The following GAREM2 variants were observed in gnomAD, a reference collection of about 807,000 sequenced individuals.
The protein encoded by GAREM2 is GRB2 associated regulator of MAPK1 subtype 2, also known as GRB2-associated and regulator of MAPK protein 2.
Under a neutral mutation model 55.6 loss-of-function variants are expected in GAREM2, and 30 were observed. The ratio of observed to expected loss-of-function variants is 0.54; its 90% confidence interval spans 0.40 to 0.73. The LOEUF (loss-of-function observed/expected upper bound fraction) is 0.73. Among genes scored for constraint, GAREM2 ranks in the 30% least tolerant of loss-of-function variants. The probability of loss-of-function intolerance (pLI) is 0.00; values close to 1 mark genes in which losing one functional copy is unlikely to be tolerated. For synonymous variants in GAREM2, 550 were observed against 569.1 expected, an observed-to-expected ratio of 0.97 and a Z score of 0.48; for missense variants, 1,075 against 1,257.7, an observed-to-expected ratio of 0.85 and a Z score of 2.20.
At chr2:26,193,793 G>T (rs760394458), downstream of GAREM2, 8 of 1,601,982 alleles carry the variant, frequency 5.0e-6, no homozygotes, top group Non-Finnish European at 8.6e-7. Context: ...AGCGATGCAG[G>T]GACCTCAGGG....
chr2:26,197,453 T>G, the GAREM2 span, among the ~76,000 whole-genome samples: 1 of 152,218 alleles, frequency 6.6e-6, no homozygotes, highest in African/African-American at 2.4e-5. Flanking sequence ...GGGCTTTATA[T>G]CCTGAACCTG....
the GAREM2 span, among the ~76,000 whole-genome samples, chr2:26,201,714 A>G: frequency 6.6e-6 from 1 of 152,104 alleles, no homozygotes; most frequent in African/African-American, 2.4e-5. Flanking sequence ...AAGCAGCCAA[A>G]GTGTGTCTGA....
the GAREM2 span, among the ~76,000 whole-genome samples, chr2:26,202,612 A>G: frequency 2.6e-5 from 4 of 152,200 alleles, no homozygotes; most frequent in Non-Finnish European, 4.4e-5. Flanking sequence ...ATGGTGGCGC[A>G]TGCCTGTAGT....
chr2:26,191,696 C>T (rs1352126261), downstream of GAREM2: 14 of 1,536,272 alleles, frequency 9.1e-6, no homozygotes, highest in African/African-American at 1.4e-5. Context: ...GCCGCAGATG[C>T]AGAATGGAAG....
rs1393859745 is a variant in GAREM2 at position 26,179,682 on chromosome 2, G to A, written c.253+3198G>A. Reference sequence around the variant, plus strand: ...GAGGAAGCCGCCCCTGGGCTGGCGGGGAGGAAAAGGCTTCCAGGGTCCAGA... The same window carrying A: ...GAGGAAGCCGCCCCTGGGCTGGCGGAGAGGAAAAGGCTTCCAGGGTCCAGA... On this transcript the variant is annotated intron_variant, in intron 2 of 5. Transcript: ENST00000401533. This position sits in a 1 kb window ranked among gnomAD's most constrained non-coding sequence, Gnocchi z 4.7. Among the ~76,000 whole-genome samples the A allele has an allele frequency of 6.6e-6, 1 of 152,154 alleles. No homozygotes were observed. Among genetic ancestry groups the A allele is most frequent in the Non-Finnish European group, 1.5e-5 (1 of 68,026 alleles).
At chr2:26,198,368 T>TG in the GAREM2 span, among the ~76,000 whole-genome samples, 2 of 52,734 alleles carry the variant, frequency 3.8e-5, no homozygotes, top group East Asian at 6.8e-4. Flanking sequence ...AACTTATTCA[T>TG]GTTTTTTTTT....
intron 5 of GAREM2, among the ~76,000 whole-genome samples, chr2:26,187,022 G>A (rs1158184057): frequency 6.6e-6 from 1 of 152,192 alleles, no homozygotes; most frequent in Non-Finnish European, 1.5e-5. Flanking sequence ...TTTCAGTTTC[G>A]TTTCATTTTT....
At chr2:26,192,559 G>A, downstream of GAREM2, 3 of 701,886 alleles carry the variant, frequency 4.3e-6, no homozygotes, top group Non-Finnish European at 7.8e-6. Flanking sequence ...GGCCGAGGCG[G>A]AGGATCATTT....
At chr2:26,193,621 C>G, downstream of GAREM2, 9 of 1,614,052 alleles carry the variant, frequency 5.6e-6, no homozygotes, top group Non-Finnish European at 7.6e-6. Context: ...TTCTGGGTTT[C>G]CACCTCCAAA....
At chr2:26,174,414 C>A (rs971474377) in intron 1 of GAREM2, among the ~76,000 whole-genome samples, 3 of 152,244 alleles carry the variant, frequency 2.0e-5, no homozygotes, top group African/African-American at 7.2e-5. Flanking sequence ...TCCCACACAT[C>A]CTTTTTGGCA....
chr2:26,184,287 G>A lies in GAREM2; in HGVS notation c.439G>A (p.Ala147Thr). 6.4e-7 allele frequency: 1 copy of A among 1,551,134 alleles called. No homozygotes were observed. Among genetic ancestry groups the A allele is most frequent in the Non-Finnish European group, 8.7e-7 (1 of 1,146,856 alleles). The change falls in exon 4 of 6, where the codon GCG becomes ACG. Residue 147 changes from alanine (A) to threonine (T), a missense_variant. Around this residue, in one of 6 missense-constraint regions of GAREM2, gnomAD observed 230 missense variants for 310.6 expected, o/e 0.74. Coordinates refer to ENST00000401533, the MANE Select transcript of GAREM2 (RefSeq NM_001168241.2). ...CGAGGTGTACAACTTCACGCTGCATGCGGGCGACGAGCTCACTCTTATGGG... is the reference window on the plus strand; with the variant it reads ...CGAGGTGTACAACTTCACGCTGCATACGGGCGACGAGCTCACTCTTATGGG... ...DSEVYNFTLHAGDELTLMGQA... is the reference protein window; with the variant it reads ...DSEVYNFTLHTGDELTLMGQA...
chr2:26,191,890 G>C (rs1435437232), downstream of GAREM2, among the ~76,000 whole-genome samples: 2 of 152,216 alleles, frequency 1.3e-5, no homozygotes, highest in Admixed American at 6.5e-5. Flanking sequence ...TTTGACATCA[G>C]CAACAGTCAG....
rs771439596 is a variant in GAREM2, at chr2:26,184,731, A to T, written c.883A>T (p.Ile295Phe). ...EGHCYKLVSI[I>F]SKTVVLGLAL... ...TCATTGCTACAAGCTGGTTAGCATCATCTCCAAGACGGTGGTGCTGGGGCT... is the reference window on the plus strand; with the variant it reads ...TCATTGCTACAAGCTGGTTAGCATCTTCTCCAAGACGGTGGTGCTGGGGCT... The change falls in exon 4 of 6, where the codon ATC (isoleucine) becomes TTC (phenylalanine). Residue 295 changes from isoleucine to phenylalanine, a missense_variant. Transcript: ENST00000401533. 1 of 1,526,768 alleles carries T rather than the reference A, an allele frequency of 6.5e-7. No homozygotes were observed. The highest frequency in any genetic ancestry group is 1.2e-5 in the South Asian group (1 of 82,672). 94.6% of individuals were successfully genotyped at this position (1,526,768 alleles called of 1,614,324 possible).
At chr2:26,193,596 C>T (rs778699495), downstream of GAREM2, 2 of 1,613,546 alleles carry the variant, frequency 1.2e-6, no homozygotes, top group East Asian at 4.5e-5. Context: ...CCTTGGACAC[C>T]ATCTGTGTCA....
chr2:26,200,296 G>A, the GAREM2 span, among the ~76,000 whole-genome samples: 3 of 152,016 alleles, frequency 2.0e-5, no homozygotes, highest in Non-Finnish European at 4.4e-5. Flanking sequence ...TTATCCAACT[G>A]TAGACTAGCT....
Position 26,188,141 on chromosome 2 carries a change from G to A in GAREM2, c.2509G>A (p.Asp837Asn), listed in dbSNP as rs911127078. 1.3e-6 allele frequency: 2 copies of A among 1,551,402 alleles called. No homozygotes were observed. Among genetic ancestry groups the A allele is most frequent in the Admixed American group, 2.0e-5 (1 of 50,954 alleles). The change falls in exon 6 of 6, where the codon GAT becomes AAT. Residue 837 changes from aspartate (D) to asparagine (N), a missense_variant. Around this residue, in one of 6 missense-constraint regions of GAREM2, gnomAD observed 142 missense variants for 172.3 expected, o/e 0.82. Coordinates refer to ENST00000401533, the MANE Select transcript of GAREM2 (RefSeq NM_001168241.2). Reference protein sequence around the residue: ...VVSFFARERIDGSIFVQLSED... With the variant: ...VVSFFARERINGSIFVQLSED... The stretch of plus-strand genomic sequence containing the variant: ...GAGCTTCTTTGCCCGAGAACGCATC[G>A]ATGGTAGCATCTTTGTGCAGCTCAG...
the GAREM2 span, chr2:26,201,249 C>T: frequency 1.2e-5 from 20 of 1,611,794 alleles, no homozygotes; most frequent in Non-Finnish European, 1.4e-5. Context: ...ATCAAGCTGC[C>T]CAGTCAAGTT....
At chr2:26,191,349 G>T (rs1348209738), downstream of GAREM2, 9 of 1,614,042 alleles carry the variant, frequency 5.6e-6, no homozygotes, top group Non-Finnish European at 7.6e-6. Context: ...TCTTGAGCCG[G>T]TCCACTATCT....
chr2:26,184,936 A>G lies in GAREM2; in HGVS notation c.1088A>G (p.Glu363Gly). 3.0e-6 allele frequency: 4 copies of G among 1,315,210 alleles called. No individual in the cohort carries two copies. Among genetic ancestry groups the G allele is most frequent in the Non-Finnish European group, 3.9e-6 (4 of 1,035,418 alleles). 81.5% of individuals were successfully genotyped at this position (1,315,210 alleles called of 1,614,324 possible). ...DPDEYSTAVR[E>G]APAELAEDCA... Reference sequence around the variant, plus strand: ...GACGAGTACTCCACGGCCGTGCGCGAGGCGCCAGCGGAGCTCGCCGAAGAC... The same window carrying G: ...GACGAGTACTCCACGGCCGTGCGCGGGGCGCCAGCGGAGCTCGCCGAAGAC... The change falls in exon 4 of 6, where the codon GAG (glutamate) becomes GGG (glycine). Residue 363 changes from glutamate to glycine, a missense_variant. Around this residue, in one of 6 missense-constraint regions of GAREM2, gnomAD observed 170 missense variants for 220.7 expected, o/e 0.77. Transcript: ENST00000401533.
Sources: allele counts gnomAD v4.1 joint callset (sites outside exome capture counted in the v4.1 genomes callset), GRCh38; gene constraint gnomAD v4.1.1; regional missense constraint gnomAD v4.1.1; non-coding constraint Gnocchi (gnomAD v3.1); transcripts MANE v1.5; gene names NCBI Gene and HGNC (gene_info 2026-07-23, HGNC 2026-07-21).